Variants in LYPD6B observed in about 807,000 individuals in gnomAD.
LYPD6B encodes LY6/PLAUR domain containing 6B, also known as ly6/PLAUR domain-containing protein 6B.
Under a neutral mutation model 22.8 loss-of-function variants are expected in LYPD6B, and 17 were observed. The ratio of observed to expected loss-of-function variants is 0.75; its 90% CI spans 0.51 to 1.12. LYPD6B has a LOEUF of 1.12. Ranked by LOEUF, LYPD6B falls within the 50% of genes most tolerant of loss-of-function variation. The pLI is 0.00. For missense variants in LYPD6B, 221 were observed against 258.3 expected (o/e 0.86, Z 0.99); for synonymous variants, 106 against 91.6 (o/e 1.16, Z -0.90).
chr2:149,070,126 T>TG (rs1684528886), intron 1 of LYPD6B, among the ~76,000 whole-genome samples: 1 of 152,124 alleles, frequency 6.6e-6, no homozygotes, highest in Admixed American at 6.6e-5. Flanking sequence ...CTGCTTCTCT[T>TG]GGGGCGTATT....
At chr2:149,077,586 T>G (rs4622681) in intron 1 of LYPD6B, 1 of 151,936 alleles carries the variant, frequency 6.6e-6, no homozygotes, top group Admixed American at 6.6e-5. Flanking sequence ...TTGAAGAGAG[T>G]GGCTTTGAAG....
At chr2:149,075,524 AC>A (rs1453623237) in intron 1 of LYPD6B, among the ~76,000 whole-genome samples, 3 of 152,250 alleles carry the variant, frequency 2.0e-5, no homozygotes, top group African/African-American at 7.2e-5. Flanking sequence ...ACAGCAACCA[AC>A]AAATCATGCT....
intron 3 of LYPD6B, among the ~76,000 whole-genome samples, chr2:149,199,421 T>C: frequency 6.6e-6 from 1 of 152,216 alleles, no homozygotes; most frequent in Non-Finnish European, 1.5e-5. Context: ...TATTGACTTT[T>C]GGTCCCAATA....
chr2:149,194,229 A>G (rs1429815791), intron 3 of LYPD6B, among the ~76,000 whole-genome samples: 1 of 152,092 alleles, frequency 6.6e-6, no homozygotes, highest in Non-Finnish European at 1.5e-5. Flanking sequence ...AACTTAATGG[A>G]TCATAACAAT....
intron 1 of LYPD6B, among the ~76,000 whole-genome samples, chr2:149,084,604 G>A (rs1685302347): frequency 1.3e-5 from 2 of 152,230 alleles, no homozygotes; most frequent in Admixed American, 1.3e-4. Flanking sequence ...AGATGTAGAT[G>A]CCAGGTAGGC....
intron 1 of LYPD6B, among the ~76,000 whole-genome samples, chr2:149,039,239 C>A (rs1367705748): frequency 2.6e-5 from 4 of 152,360 alleles, no homozygotes. Context: ...TCCAGTGTTT[C>A]CCCCTGCAGC....
At chr2:149,128,775 A>G (rs1025435205) in intron 1 of LYPD6B, among the ~76,000 whole-genome samples, 7 of 152,242 alleles carry the variant, frequency 4.6e-5, no homozygotes, top group Admixed American at 3.3e-4. Flanking sequence ...GCATTGTAGA[A>G]TGTTATGCAT....
intron 3 of LYPD6B, among the ~76,000 whole-genome samples, chr2:149,167,806 T>A (rs1390712273): frequency 2.0e-5 from 3 of 152,202 alleles, no homozygotes; most frequent in Non-Finnish European, 2.9e-5. Flanking sequence ...AAGACAATAC[T>A]TGAAAGTCTG....
At position 149,205,894 on chromosome 2, in the gene LYPD6B, A is replaced by G. The variant is rs142603922; in HGVS notation, c.229+490A>G. ...AGGTTACATAAGACTCAACTTTTCCACTAATAGTTTAAAGATAGGCAAATA... is the reference window on the plus strand; with the variant it reads ...AGGTTACATAAGACTCAACTTTTCCGCTAATAGTTTAAAGATAGGCAAATA... On this transcript the variant is annotated intron_variant, in intron 4 of 6. Transcript: ENST00000409642. The G allele has an allele frequency of 1.3e-3, 394 of 298,056 alleles. 3 individuals are homozygous for G. Among genetic ancestry groups the G allele is most frequent in the African/African-American group, 7.5e-3 (335 of 44,950 alleles). 18.5% of individuals were successfully genotyped at this position (298,056 alleles called of 1,614,324 possible).
intron 3 of LYPD6B, among the ~76,000 whole-genome samples, chr2:149,190,614 T>C (rs1473645295): frequency 6.6e-6 from 1 of 152,234 alleles, no homozygotes; most frequent in African/African-American, 2.4e-5. Flanking sequence ...TTAGAAGTTA[T>C]AAAGTACAAT....
chr2:149,174,768 G>T (rs1691135129), intron 3 of LYPD6B, among the ~76,000 whole-genome samples: 1 of 151,700 alleles, frequency 6.6e-6, no homozygotes, highest in Non-Finnish European at 1.5e-5. Flanking sequence ...TTGATGTGCT[G>T]CTGGATTCCT....
At chr2:149,110,815 C>T (rs928532977) in intron 1 of LYPD6B, among the ~76,000 whole-genome samples, 1 of 151,900 alleles carries the variant, frequency 6.6e-6, no homozygotes, top group East Asian at 1.9e-4. Flanking sequence ...TGGAGACAGA[C>T]AATAGTTCTG....
chr2:149,135,714 T>G (rs1688320900), intron 2 of LYPD6B, among the ~76,000 whole-genome samples: 1 of 101,208 alleles, frequency 9.9e-6, no homozygotes. Flanking sequence ...AGGGAGACCA[T>G]GTCTCAAAAA....
At chr2:149,087,350 C>A (rs1420335322) in intron 1 of LYPD6B, among the ~76,000 whole-genome samples, 1 of 152,092 alleles carries the variant, frequency 6.6e-6, no homozygotes, top group African/African-American at 2.4e-5. Context: ...TCCTTTTCTT[C>A]TGCAATTTTT....
At chr2:149,199,441 C>T (rs545310196) in intron 3 of LYPD6B, among the ~76,000 whole-genome samples, 7 of 152,290 alleles carry the variant, frequency 4.6e-5, no homozygotes, top group Admixed American at 1.3e-4. Context: ...AATTTTTGAG[C>T]GCACAAGGAC....
At chr2:149,132,040 G>T (rs1688062328) in intron 2 of LYPD6B, among the ~76,000 whole-genome samples, 1 of 151,952 alleles carries the variant, frequency 6.6e-6, no homozygotes, top group Admixed American at 6.6e-5. Flanking sequence ...GTATGGGGCT[G>T]AGCAAAGCCA....
At chr2:149,069,181 G>GA in intron 1 of LYPD6B, among the ~76,000 whole-genome samples, 1 of 138,158 alleles carries the variant, frequency 7.2e-6, no homozygotes, top group African/African-American at 2.8e-5. Flanking sequence ...GTGGGCTGGT[G>GA]GGGGTGGCCT....
intron 3 of LYPD6B, among the ~76,000 whole-genome samples, chr2:149,165,539 C>A (rs2105903996): frequency 6.6e-6 from 1 of 152,288 alleles, no homozygotes; most frequent in Non-Finnish European, 1.5e-5. Context: ...AATAACAACA[C>A]AAGCAGGCAC....
chr2:149,188,602 C>A, intron 3 of LYPD6B: 1 of 502,306 alleles, frequency 2.0e-6, no homozygotes, highest in African/African-American at 2.1e-5. Flanking sequence ...GTAAATCACT[C>A]AACACCCAGT....
Sources: allele counts gnomAD v4.1 joint callset (sites outside exome capture counted in the v4.1 genomes callset), GRCh38; gene constraint gnomAD v4.1.1; transcripts MANE v1.5; gene names NCBI Gene and HGNC (gene_info 2026-07-23, HGNC 2026-07-21).